Variants in MARK1 observed in about 807,000 individuals in gnomAD.
MARK1 encodes the protein microtubule affinity regulating kinase 1.
In MARK1, 40 loss-of-function variants were observed where a neutral mutation model predicts 96.3. The ratio of observed to expected loss-of-function variants is 0.42; its 90% CI spans 0.32 to 0.54. The LOEUF (loss-of-function observed/expected upper bound fraction) is 0.54. Ranked by LOEUF, MARK1 falls within the 20% of genes least tolerant of loss-of-function variation. MARK1 has a pLI of 0.16. For synonymous variants in MARK1, 317 were observed against 341.2 expected, an observed-to-expected ratio of 0.93 and a Z score of 0.78; for missense variants, 719 against 984.6, an observed-to-expected ratio of 0.73 and a Z score of 3.61.
intron 1 of MARK1, among the ~76,000 whole-genome samples, chr1:220,575,578 A>C (rs1445471025): frequency 6.6e-6 from 1 of 152,194 alleles, no homozygotes; most frequent in Non-Finnish European, 1.5e-5. Flanking sequence ...TCCTAAGGAA[A>C]GATGTAATTT....
chr1:220,649,796 C>G (rs570078249), intron 13 of MARK1, among the ~76,000 whole-genome samples: 28 of 152,132 alleles, frequency 1.8e-4, no homozygotes, highest in Non-Finnish European at 3.5e-4. Flanking sequence ...ATTTTAAATG[C>G]TGGGTTAGTC....
chr1:220,626,362 G>T, intron 9 of MARK1: 1 of 549,960 alleles, frequency 1.8e-6, no homozygotes, highest in Non-Finnish European at 3.7e-6. Context: ...AGGAACTAGG[G>T]ATCTACAGGA....
At chr1:220,641,479 C>G (rs1228219039) in intron 13 of MARK1, among the ~76,000 whole-genome samples, 1 of 152,092 alleles carries the variant, frequency 6.6e-6, no homozygotes, top group Admixed American at 6.5e-5. Flanking sequence ...CTCACAGCCT[C>G]TAGAACTGTG....
intron 1 of MARK1, among the ~76,000 whole-genome samples, chr1:220,549,209 T>A (rs11588721): frequency 2.0e-5 from 3 of 152,008 alleles, no homozygotes; most frequent in Admixed American, 2.0e-4. Context: ...GCTCTAGCAT[T>A]TATTAGATGT....
In MARK1 at chr1:220,616,033, GTTA is replaced by G. The variant is rs769573905; in HGVS notation, c.552+45_552+47del. ...GTGTAATTTTTTTAAAAAAAAAATCGTTATTATTAACATATATTTAATAATAAT... is the reference window on the plus strand; with the variant it reads ...GTGTAATTTTTTTAAAAAAAAAATCGTTATTAACATATATTTAATAATAAT... On this transcript the variant is annotated intron_variant, in intron 7 of 17. Coordinates refer to ENST00000366917, the MANE Select transcript of MARK1 (RefSeq NM_018650.5). 55 of 1,054,076 alleles carry G rather than the reference GTTA, an allele frequency of 5.2e-5. No individual in the cohort carries two copies. The African/African-American group carries it at 8.1e-4, about 15-fold the overall frequency. The allele number at this position is 1,054,076 out of a possible 1,614,324, so 65.3% of individuals were successfully genotyped here. A position where few individuals can be genotyped will look rare whatever the true frequency, so the allele number is the denominator to read the frequency against.
intron 1 of MARK1, among the ~76,000 whole-genome samples, chr1:220,568,510 T>C (rs544545274): frequency 2.0e-5 from 3 of 152,214 alleles, no homozygotes; most frequent in East Asian, 3.9e-4. Flanking sequence ...GGTCCGACTT[T>C]GTTAGTCTTA....
chr1:220,611,848 T>G lies in MARK1; in HGVS notation c.496-4091T>G, dbSNP rs183161536. ...CCTGGGTTCAAGCGATTCTCCTACC[T>G]CAGCCTCCCAAGTAGCTGGGATTAC... On this transcript the variant is annotated intron_variant, in intron 6 of 17. Coordinates refer to ENST00000366917, the MANE Select transcript of MARK1 (RefSeq NM_018650.5). 6.7e-3 allele frequency among the ~76,000 whole-genome samples: 1,017 copies of G among 152,310 alleles called. 46 individuals carry two copies. Among genetic ancestry groups the G allele is most frequent in the Admixed American group, 0.061 (932 of 15,304 alleles).
chr1:220,659,470 C>T (rs1202700960), intron 17 of MARK1, among the ~76,000 whole-genome samples: 3 of 152,128 alleles, frequency 2.0e-5, no homozygotes, highest in Non-Finnish European at 2.9e-5. Flanking sequence ...ACTCTGCGTG[C>T]CTCCATTTCC....
At chr1:220,552,940 A>T (rs569217923) in intron 1 of MARK1, among the ~76,000 whole-genome samples, 2 of 152,188 alleles carry the variant, frequency 1.3e-5, no homozygotes, top group Non-Finnish European at 2.9e-5. Context: ...GCCTTAGTGA[A>T]TGTTCATCTA....
chr1:220,652,622 CTATTT>C (rs1473886162), intron 15 of MARK1, among the ~76,000 whole-genome samples: 1 of 152,106 alleles, frequency 6.6e-6, no homozygotes, highest in Non-Finnish European at 1.5e-5. Flanking sequence ...TAGTATTTTT[CTATTT>C]TAAGATTTCC....
Position 220,635,973 on chromosome 1 carries a change from A to T in MARK1, c.1417A>T (p.Thr473Ser), listed in dbSNP as rs370177092. The T allele has an allele frequency of 3.7e-6, 6 of 1,613,900 alleles. No homozygotes were observed. Among genetic ancestry groups the T allele is most frequent in the Non-Finnish European group, 4.2e-6 (5 of 1,179,974 alleles). Reference sequence around the variant, plus strand: ...AACAGTTGGATCAAAAAGCGAGATGACTGCAAGCCCTCTTGTAGGGCCAGA... The same window carrying T: ...AACAGTTGGATCAAAAAGCGAGATGTCTGCAAGCCCTCTTGTAGGGCCAGA... ...STTVGSKSEM[T>S]ASPLVGPERK... The change falls in exon 13 of 18, where the codon ACT becomes TCT. Residue 473 changes from threonine to serine, a missense_variant. Transcript: ENST00000366917.
chr1:220,595,509 G>T (rs1244861431), intron 3 of MARK1, among the ~76,000 whole-genome samples: 2 of 152,196 alleles, frequency 1.3e-5, no homozygotes, highest in Non-Finnish European at 2.9e-5. Flanking sequence ...GCTCAAAGGG[G>T]CCATTAGGAC....
intron 11 of MARK1, among the ~76,000 whole-genome samples, chr1:220,632,727 A>G (rs975292369): frequency 2.0e-5 from 3 of 152,218 alleles, no homozygotes; most frequent in Non-Finnish European, 2.9e-5. Context: ...AACTCCAGGA[A>G]AGGTTATTTG....
At chr1:220,578,492 A>G (rs563918304) in intron 1 of MARK1, among the ~76,000 whole-genome samples, 93 of 152,342 alleles carry the variant, frequency 6.1e-4, no homozygotes, top group African/African-American at 2.1e-3. Context: ...GCAGGACTAT[A>G]GATAGCTTTC....
At chr1:220,626,852 C>T (rs1024206050) in intron 9 of MARK1, 1 of 419,836 alleles carries the variant, frequency 2.4e-6, no homozygotes, top group African/African-American at 2.1e-5. Context: ...GGGGGGCATG[C>T]CAAGTGTATG....
intron 1 of MARK1, among the ~76,000 whole-genome samples, chr1:220,566,381 G>C (rs1663059107): frequency 6.6e-6 from 1 of 152,146 alleles, no homozygotes; most frequent in Non-Finnish European, 1.5e-5. Flanking sequence ...ATAATACTGA[G>C]TCACACCATT....
chr1:220,658,260 A>G (rs144638965), intron 17 of MARK1, among the ~76,000 whole-genome samples: 1 of 152,376 alleles, frequency 6.6e-6, no homozygotes, highest in African/African-American at 2.4e-5. Context: ...GTTTGACCAC[A>G]TTTAAAAATT....
At chr1:220,658,954 G>A (rs932041324) in intron 17 of MARK1, among the ~76,000 whole-genome samples, 3 of 152,040 alleles carry the variant, frequency 2.0e-5, no homozygotes, top group African/African-American at 7.2e-5. Flanking sequence ...CCCTCACTTA[G>A]TCTTCACTTT....
intron 1 of MARK1, 82 bp downstream of exon 1, chr1:220,528,955 C>G (rs1362158939): frequency 7.1e-7 from 1 of 1,409,924 alleles, no homozygotes; most frequent in East Asian, 2.8e-5. Flanking sequence ...TGGGCCGTCC[C>G]CCGTGCCTCG....
Sources: gnomAD v4.1 joint callset for allele counts (sites outside exome capture counted in the v4.1 genomes callset) on GRCh38, gnomAD v4.1.1 for gene constraint, MANE v1.5 for transcripts, NCBI Gene and HGNC (gene_info 2026-07-23, HGNC 2026-07-21) for gene names.